The following RFC3 variants were observed in gnomAD, a reference collection of about 807,000 sequenced individuals.
RFC3 encodes A1 38 kDa subunit.
A neutral mutation model predicts 45.1 loss-of-function variants in RFC3; 41 were observed. That is an observed-to-expected ratio of 0.91 (90% CI 0.71 to 1.18). The LOEUF (loss-of-function observed/expected upper bound fraction) is 1.18, where lower values mean the gene tolerates loss of function less well. Ranked by LOEUF, RFC3 falls within the 50% of genes most tolerant of loss-of-function variation. The pLI, the probability that RFC3 is intolerant of heterozygous loss-of-function variation, is 0.00. For missense variants in RFC3, 423 were observed against 428.1 expected, an observed-to-expected ratio of 0.99 and a Z score of 0.10; for synonymous variants, 149 against 144.0, an observed-to-expected ratio of 1.03 and a Z score of -0.25.
chr13:33,848,950 C>CT (rs1350187788), intron 8 of RFC3: 1 of 152,134 alleles, frequency 6.6e-6, no homozygotes, highest in Admixed American at 6.6e-5. Flanking sequence ...TTTGCCATGG[C>CT]TTTTTTAAGG....
At chr13:33,957,477 G>C (rs1020905754) in intron 8 of RFC3, among the ~76,000 whole-genome samples, 2 of 152,116 alleles carry the variant, frequency 1.3e-5, no homozygotes, top group Admixed American at 6.6e-5. Context: ...TGTGGTTGGT[G>C]TGCATTTTGC....
At chr13:33,875,931 T>G (rs1363582232) in intron 8 of RFC3, among the ~76,000 whole-genome samples, 1 of 152,186 alleles carries the variant, frequency 6.6e-6, no homozygotes, top group Non-Finnish European at 1.5e-5. Context: ...GAGGGTTTTG[T>G]GAAACAACTT....
chr13:33,900,572 T>C (rs914405949), intron 8 of RFC3, among the ~76,000 whole-genome samples: 1 of 151,866 alleles, frequency 6.6e-6, no homozygotes, highest in Non-Finnish European at 1.5e-5. Context: ...CCTGAAATTA[T>C]GAAATTAGTA....
chr13:33,953,653 G>T (rs186558736), intron 8 of RFC3, among the ~76,000 whole-genome samples: 52 of 152,204 alleles, frequency 3.4e-4, no homozygotes, highest in African/African-American at 1.2e-3. Flanking sequence ...AAGTCAGCTA[G>T]AATTCCGAGA....
intron 8 of RFC3, among the ~76,000 whole-genome samples, chr13:33,869,304 C>CT (rs2082392959): frequency 6.6e-6 from 1 of 152,120 alleles, no homozygotes. Context: ...GAGCCTTGAC[C>CT]TTTACAAGAC....
chr13:33,853,310 A>G (rs775453779), intron 8 of RFC3, among the ~76,000 whole-genome samples: 4 of 152,152 alleles, frequency 2.6e-5, no homozygotes, highest in African/African-American at 7.2e-5. Flanking sequence ...TGATTTCACC[A>G]TAGATGTGCA....
intron 8 of RFC3, among the ~76,000 whole-genome samples, chr13:33,957,431 A>T (rs555746751): frequency 6.6e-6 from 1 of 152,232 alleles, no homozygotes; most frequent in African/African-American, 2.4e-5. Flanking sequence ...AATGCAAAAT[A>T]AAACATGGGA....
At chr13:33,914,324 A>C (rs1275845272) in intron 8 of RFC3, among the ~76,000 whole-genome samples, 1 of 152,092 alleles carries the variant, frequency 6.6e-6, no homozygotes, top group Non-Finnish European at 1.5e-5. Context: ...TTATCTATCC[A>C]TTCATTCTGC....
At chr13:33,932,180 A>C (rs935767063) in intron 8 of RFC3, among the ~76,000 whole-genome samples, 1 of 152,152 alleles carries the variant, frequency 6.6e-6, no homozygotes, top group Non-Finnish European at 1.5e-5. Flanking sequence ...TCATCTGTCT[A>C]TTCTAGCTCA....
chr13:33,830,805 T>G lies in RFC3; in HGVS notation c.660T>G (p.Cys220Trp). ...CTCATAGACTTGCAGAGAAGTCTTG[T>G]AGAAATCTCAGAAAAGCCCTGCTTA... ...QLAHRLAEKS[C>W]RNLRKALLMC... The change falls in exon 6 of 9, where the codon TGT becomes TGG. Residue 220 changes from cysteine (C) to tryptophan (W), a missense_variant. Physicochemically the swap from Cys to Trp is radical, Grantham distance 215 (BLOSUM62 -2). Transcript: ENST00000380071. 1.2e-6 allele frequency: 2 copies of G among 1,613,476 alleles called. No individual in the cohort carries two copies. Among genetic ancestry groups the G allele is most frequent in the Non-Finnish European group, 1.7e-6 (2 of 1,179,504 alleles).
chr13:33,924,673 ATT>A (rs1041087386), intron 8 of RFC3, among the ~76,000 whole-genome samples: 1 of 147,340 alleles, frequency 6.8e-6, no homozygotes, highest in African/African-American at 2.5e-5. Context: ...ATATATATAT[ATT>A]ATATATATAT....
chr13:33,855,390 T>A (rs1396401137), intron 8 of RFC3, among the ~76,000 whole-genome samples: 4 of 152,156 alleles, frequency 2.6e-5, no homozygotes, highest in African/African-American at 4.8e-5. Context: ...TTGACGGGCA[T>A]TTAGGTTGAT....
intron 8 of RFC3, among the ~76,000 whole-genome samples, chr13:33,888,793 T>C (rs2082544345): frequency 6.6e-6 from 1 of 151,556 alleles, no homozygotes; most frequent in Non-Finnish European, 1.5e-5. Context: ...TCACCCAGGC[T>C]GGAGTACAGT....
intron 8 of RFC3, among the ~76,000 whole-genome samples, chr13:33,948,492 T>C (rs2082968506): frequency 6.6e-6 from 1 of 152,208 alleles, no homozygotes; most frequent in African/African-American, 2.4e-5. Flanking sequence ...AAGTCCCCAC[T>C]AGGGCACTGC....
intron 8 of RFC3, among the ~76,000 whole-genome samples, chr13:33,899,600 T>G (rs2082626473): frequency 6.6e-6 from 1 of 151,786 alleles, no homozygotes; most frequent in African/African-American, 2.4e-5. Context: ...AATTGAAGGC[T>G]TTTCCTTTAA....
intron 8 of RFC3, among the ~76,000 whole-genome samples, chr13:33,927,043 A>G (rs149225280): frequency 2.6e-4 from 39 of 152,168 alleles, no homozygotes; most frequent in Non-Finnish European, 4.9e-4. Flanking sequence ...TAGATTATAT[A>G]TCATATCAAT....
At chr13:33,955,400 C>T (rs1022079572) in intron 8 of RFC3, among the ~76,000 whole-genome samples, 3 of 152,012 alleles carry the variant, frequency 2.0e-5, no homozygotes, top group African/African-American at 4.8e-5. Context: ...AGAATGAAAA[C>T]AGCTAAAAAA....
intron 3 of RFC3, among the ~76,000 whole-genome samples, chr13:33,824,279 T>G (rs2082029400): frequency 6.6e-6 from 1 of 152,154 alleles, no homozygotes; most frequent in African/African-American, 2.4e-5. Context: ...TTATGTTGGC[T>G]CATTCATTAC....
chr13:33,842,925 A>G, intron 8 of RFC3, among the ~76,000 whole-genome samples: 1 of 152,274 alleles, frequency 6.6e-6, no homozygotes, highest in East Asian at 1.9e-4. Context: ...AAATTTGTTC[A>G]TGGGATTTGT....
Sources: allele counts gnomAD v4.1 joint callset (sites outside exome capture counted in the v4.1 genomes callset), GRCh38; gene constraint gnomAD v4.1.1; transcripts MANE v1.5; gene names NCBI Gene and HGNC (gene_info 2026-07-23, HGNC 2026-07-21).